DOCK5: variants seen among roughly 807,000 people sequenced by gnomAD.
DOCK5 encodes dedicator of cytokinesis protein 5.
In DOCK5, 142 loss-of-function variants were observed where a neutral mutation model predicts 251.8. The observed-to-expected ratio is 0.56, with a 90% confidence interval of 0.49 to 0.65. The LOEUF (loss-of-function observed/expected upper bound fraction) is 0.65, where lower values mean the gene tolerates loss of function less well. Ranked by LOEUF, DOCK5 falls within the 30% of genes least tolerant of loss-of-function variation. The pLI, the probability that DOCK5 is intolerant of heterozygous loss-of-function variation, is 0.00. For missense variants in DOCK5, 2,111 were observed against 2,312.3 expected (o/e 0.91, Z 1.79); for synonymous variants, 842 against 835.5 (o/e 1.01, Z -0.13).
chr8:25,281,607 G>A (rs1260135573), intron 5 of DOCK5, among the ~76,000 whole-genome samples: 7 of 150,860 alleles, frequency 4.6e-5, no homozygotes, highest in African/African-American at 7.3e-5. Context: ...AAGGCCAGGC[G>A]CAGTGGTTCA....
intron 6 of DOCK5, among the ~76,000 whole-genome samples, chr8:25,293,852 A>C (rs955879437): frequency 6.6e-6 from 1 of 152,094 alleles, no homozygotes; most frequent in Non-Finnish European, 1.5e-5. Flanking sequence ...AAAAATATAA[A>C]AATTAGCTGG....
At chr8:25,339,072 G>C (rs1805885101) in intron 22 of DOCK5, among the ~76,000 whole-genome samples, 2 of 152,142 alleles carry the variant, frequency 1.3e-5, no homozygotes, top group Non-Finnish European at 1.5e-5. Flanking sequence ...ACCTGAGCTG[G>C]GGAAGAGACT....
intron 27 of DOCK5, among the ~76,000 whole-genome samples, chr8:25,352,578 T>C (rs75133953): frequency 6.6e-6 from 1 of 152,288 alleles, no homozygotes; most frequent in African/African-American, 2.4e-5. Context: ...TATATTAAAA[T>C]CGAATTAGAT....
intron 26 of DOCK5, among the ~76,000 whole-genome samples, chr8:25,347,237 T>G (rs1294566821): frequency 6.6e-6 from 1 of 152,220 alleles, no homozygotes; most frequent in Non-Finnish European, 1.5e-5. Flanking sequence ...GATGTCTACA[T>G]TTCTGTGAAT....
intron 2 of DOCK5, among the ~76,000 whole-genome samples, chr8:25,245,008 T>G (rs1803061547): frequency 6.6e-6 from 1 of 152,220 alleles, no homozygotes; most frequent in South Asian, 2.1e-4. Context: ...CGCCTTATCT[T>G]TTCCAGAATC....
intron 11 of DOCK5, among the ~76,000 whole-genome samples, chr8:25,308,463 G>A (rs1418953853): frequency 6.6e-6 from 1 of 152,044 alleles, no homozygotes; most frequent in Non-Finnish European, 1.5e-5. Context: ...TGGGTGCTCT[G>A]TCTTCAATTC....
At position 25,414,924 on chromosome 8, in the gene DOCK5, A is replaced by ATTTTTTTTTTTTTTTTT. The variant is rs1205298349; in HGVS notation, c.*3630_*3631insTTTTTTTTTTTTTTTTT. ...CTGGGCCTGTCTTTTTTTTTTTTTAATTTTGAAGCTACCTGAGGTTTAGAA... is the reference window on the plus strand; with the variant it reads ...CTGGGCCTGTCTTTTTTTTTTTTTAATTTTTTTTTTTTTTTTTTTTTGAAGCTACCTGAGGTTTAGAA... On this transcript the variant is annotated 3_prime_UTR_variant, in exon 52 of 52. Transcript: ENST00000276440. 9 of 64,204 alleles carry ATTTTTTTTTTTTTTTTT rather than the reference A, an allele frequency of 1.4e-4. 1 individual carries two copies. Among genetic ancestry groups the ATTTTTTTTTTTTTTTTT allele is most frequent in the African/African-American group, 1.2e-4 (2 of 16,646 alleles). 4.0% of individuals were successfully genotyped at this position (64,204 alleles called of 1,614,324 possible).
chr8:25,289,066 G>A (rs978555053), intron 5 of DOCK5, among the ~76,000 whole-genome samples: 3 of 149,974 alleles, frequency 2.0e-5, no homozygotes, highest in African/African-American at 7.3e-5. Context: ...ACTTGTGTTA[G>A]GGTTTCAACA....
intron 27 of DOCK5, among the ~76,000 whole-genome samples, chr8:25,356,906 A>AG (rs1563214085): frequency 1.3e-4 from 13 of 102,126 alleles, no homozygotes; most frequent in African/African-American, 4.3e-4. Flanking sequence ...CTATATGAAG[A>AG]TTATATATAT....
At chr8:25,348,886 A>G (rs998367188) in intron 26 of DOCK5, among the ~76,000 whole-genome samples, 8 of 152,048 alleles carry the variant, frequency 5.3e-5, no homozygotes, top group African/African-American at 1.9e-4. Context: ...CCCCCACAAT[A>G]GAAATCTCTA....
chr8:25,403,712 C>A lies in DOCK5; in HGVS notation c.5081C>A (p.Pro1694Gln). ...TCGTCTGACAATGCTCCTTCCAGAC[C>A]GGGATCTGATGGGTAAGGGTTTCAT... ...SNSSDNAPSR[P>Q]GSDGSILEPL... is the part of the protein sequence containing the mutation. The change falls in exon 48 of 52, where the codon CCG becomes CAG. Residue 1694 changes from proline to glutamine, a missense_variant. Pro to Gln is a moderately conservative substitution (Grantham distance 76). Transcript: ENST00000276440. 1 of 1,613,806 alleles carries A rather than the reference C, an allele frequency of 6.2e-7. No homozygotes were observed. Among genetic ancestry groups the A allele is most frequent in the African/African-American group, 1.3e-5 (1 of 74,996 alleles).
At chr8:25,208,696 A>C (rs1218804544) in intron 1 of DOCK5, among the ~76,000 whole-genome samples, 1 of 152,196 alleles carries the variant, frequency 6.6e-6, no homozygotes, top group Non-Finnish European at 1.5e-5. Flanking sequence ...GCACAGGGGA[A>C]CCGAAAAATT....
intron 1 of DOCK5, among the ~76,000 whole-genome samples, chr8:25,219,043 G>C (rs1802317817): frequency 6.6e-6 from 1 of 151,854 alleles, no homozygotes; most frequent in Admixed American, 6.6e-5. Flanking sequence ...TGCTTATTTT[G>C]CTCTCTTGTG....
intron 1 of DOCK5, among the ~76,000 whole-genome samples, chr8:25,202,138 T>C (rs1191196428): frequency 6.6e-6 from 1 of 152,026 alleles, no homozygotes; most frequent in Non-Finnish European, 1.5e-5. Flanking sequence ...TGCCTCAGCC[T>C]CCCCAAGTAG....
At chr8:25,214,645 T>C (rs74449688) in intron 1 of DOCK5, among the ~76,000 whole-genome samples, 4,111 of 152,278 alleles carry the variant, frequency 0.027, 86 homozygotes, top group Non-Finnish European at 0.034. Context: ...CCACTTCTCT[T>C]AAAGTGTGAC....
intron 13 of DOCK5, among the ~76,000 whole-genome samples, chr8:25,311,945 A>AT (rs1342662720): frequency 1.3e-5 from 2 of 152,008 alleles, no homozygotes; most frequent in East Asian, 3.9e-4. Context: ...AAATTAGGTT[A>AT]TTTTAAAGTA....
chr8:25,291,431 C>T (rs1002921719), intron 5 of DOCK5, among the ~76,000 whole-genome samples: 3 of 152,124 alleles, frequency 2.0e-5, no homozygotes, highest in African/African-American at 7.2e-5. Flanking sequence ...GCCTCTAATC[C>T]CAGCACTTTG....
At chr8:25,187,574 A>G (rs566354544) in intron 1 of DOCK5, among the ~76,000 whole-genome samples, 2 of 151,718 alleles carry the variant, frequency 1.3e-5, no homozygotes, top group Admixed American at 6.6e-5. Flanking sequence ...GCTAAAACTC[A>G]TTGTTTTTGT....
chr8:25,315,469 G>C (rs1304856771), intron 13 of DOCK5, among the ~76,000 whole-genome samples: 2 of 152,164 alleles, frequency 1.3e-5, no homozygotes, highest in Non-Finnish European at 2.9e-5. Flanking sequence ...GCTGGTGAGT[G>C]GCTCACCATA....
Sources: allele counts gnomAD v4.1 joint callset (sites outside exome capture counted in the v4.1 genomes callset), GRCh38; gene constraint gnomAD v4.1.1; transcripts MANE v1.5; gene names NCBI Gene and HGNC (gene_info 2026-07-23, HGNC 2026-07-21).